SH2D7: variants seen among roughly 807,000 people sequenced by gnomAD.
SH2D7 encodes the protein SH2 domain-containing protein 7.
In SH2D7, 32 loss-of-function variants were observed where a neutral mutation model predicts 40.8. That is an observed-to-expected ratio of 0.78 (90% CI 0.59 to 1.05). The LOEUF (loss-of-function observed/expected upper bound fraction) is 1.05. Among genes scored for constraint, SH2D7 ranks in the 50% least tolerant of loss-of-function variants. The probability of loss-of-function intolerance (pLI) is 0.00; values close to 1 mark genes in which losing one functional copy is unlikely to be tolerated. For missense variants in SH2D7, 559 were observed against 566.6 expected (o/e 0.99, Z 0.14); for synonymous variants, 195 against 221.5 (o/e 0.88, Z 1.06).
chr15:78,101,520 C>A lies in SH2D7; in HGVS notation c.1267C>A (p.Pro423Thr), dbSNP rs761730531. The A allele has an allele frequency of 1.2e-6, 2 of 1,604,670 alleles. No homozygotes were observed. The highest frequency in any genetic ancestry group is 2.2e-5 in the South Asian group (2 of 89,698). Reference sequence around the variant, plus strand: ...GCCTGGGAACACCTATGAACAGATCCCAGCAACCAAGAGCAAGGAGACTGG... The same window carrying A: ...GCCTGGGAACACCTATGAACAGATCACAGCAACCAAGAGCAAGGAGACTGG... ...SEPGNTYEQI[P>T]ATKSKETGRT... Residue 423 changes from proline to threonine, a missense_variant, in exon 5 of 6, where the codon CCA (proline) becomes ACA (threonine). Transcript: ENST00000328828.
chr15:78,092,579 G>A lies in SH2D7; in HGVS notation c.-6G>A. ...GCGCTCTGCTTCCACTCTGGTGCCT[G>A]CCAGCATGGAGGACAGCCTAAAGCA... On this transcript the variant is annotated 5_prime_UTR_variant, in exon 1 of 6. Transcript: ENST00000328828. 2 of 1,544,730 alleles carry A rather than the reference G, an allele frequency of 1.3e-6. No individual in the cohort carries two copies. The highest frequency in any genetic ancestry group is 1.8e-6 in the Non-Finnish European group (2 of 1,142,718).
At position 78,092,712 on chromosome 15, in the gene SH2D7, T is replaced by C. The variant is rs1284000983; in HGVS notation, c.128T>C (p.Leu43Pro). 1 of 1,603,784 alleles carries C rather than the reference T, an allele frequency of 6.2e-7. No individual in the cohort carries two copies. Among genetic ancestry groups the C allele is most frequent in the Non-Finnish European group, 8.5e-7 (1 of 1,175,330 alleles). Residue 43 changes from leucine to proline, a missense_variant, in exon 1 of 6, where the codon CTG becomes CCG. Transcript: ENST00000328828. ...ATGGAGACACAGGCCCCCTTCATTC[T>C]GCAGAACGGTGCCCTGCCTCCCTGG... ...WFMETQAPFI[L>P]QNGALPPWFH...
rs1186787449 is a variant in SH2D7 at position 78,098,476 on chromosome 15, A to G, written c.525A>G (p.Thr175=). The G allele has an allele frequency of 3.7e-6, 6 of 1,613,858 alleles. No individual in the cohort carries two copies. The African/African-American group carries it at 5.3e-5, about 14-fold the overall frequency. Residue 175 remains threonine, a synonymous_variant, in exon 4 of 6, where the codon ACA becomes ACG. Transcript: ENST00000328828. ...ACCCACCTGCCACGGCATTCCTCAC[A>G]GTGGTCCCCGACAAGGCCGCCAGCC... The part of the protein sequence containing the change: ...PENPPATAFL[T]VVPDKAASPR...
chr15:78,102,535 G>C (rs1297259815), intron 5 of SH2D7, among the ~76,000 whole-genome samples: 1 of 152,082 alleles, frequency 6.6e-6, no homozygotes, highest in African/African-American at 2.4e-5. Context: ...GAGGATCTCT[G>C]GGGTGGTGGT....
chr15:78,094,037 A>G (rs1195131572), intron 1 of SH2D7, 75 bp from the exon 2 acceptor site: 1 of 1,438,710 alleles, frequency 7.0e-7, no homozygotes, highest in African/African-American at 1.4e-5. Flanking sequence ...CAGGGATTCC[A>G]AGAGAGGCCT....
intron 4 of SH2D7, among the ~76,000 whole-genome samples, chr15:78,099,993 G>A (rs1009739729): frequency 2.6e-5 from 4 of 152,128 alleles, no homozygotes; most frequent in Admixed American, 6.5e-5. Flanking sequence ...CCCACCTGCC[G>A]TTCTCTCTAT....
In SH2D7 at chr15:78,098,474, A is replaced by G. The variant is rs770769485; in HGVS notation, c.523A>G (p.Thr175Ala). The change falls in exon 4 of 6, where the codon ACA becomes GCA. Residue 175 changes from threonine to alanine, a missense_variant. Coordinates refer to ENST00000328828, the MANE Select transcript of SH2D7 (RefSeq NM_001101404.2). The stretch of plus-strand genomic sequence containing the variant: ...AAACCCACCTGCCACGGCATTCCTC[A>G]CAGTGGTCCCCGACAAGGCCGCCAG... ...PENPPATAFL[T>A]VVPDKAASPR... 2.5e-6 allele frequency: 4 copies of G among 1,613,868 alleles called. No individual in the cohort carries two copies. The highest frequency in any genetic ancestry group is 1.6e-4 in the Middle Eastern group (1 of 6,062).
At chr15:78,103,354 A>G (rs1233826299) in intron 5 of SH2D7, 111 bp from the exon 6 acceptor site, 5 of 1,253,582 alleles carry the variant, frequency 4.0e-6, no homozygotes, top group Non-Finnish European at 5.5e-6. Context: ...ACCTGGCCTC[A>G]TGTCCTAGGC....
At position 78,100,939 on chromosome 15, in the gene SH2D7, C is replaced by T. The variant is rs189869737; in HGVS notation, c.686C>T (p.Ser229Phe). 1.2e-6 allele frequency: 2 copies of T among 1,613,766 alleles called. No homozygotes were observed. The highest frequency in any genetic ancestry group is 1.7e-6 in the Non-Finnish European group (2 of 1,179,892). ...TCTCCACTCCCTGAGAAGAGTTCCTCCCTCCTGGAAGAGTCTTTTGGAGGC... is the reference window on the plus strand; with the variant it reads ...TCTCCACTCCCTGAGAAGAGTTCCTTCCTCCTGGAAGAGTCTTTTGGAGGC... The part of the protein sequence containing the change: ...RVSPLPEKSS[S>F]LLEESFGGPS... The change falls in exon 5 of 6, where the codon TCC (serine) becomes TTC (phenylalanine). Residue 229 changes from serine (S) to phenylalanine (F), a missense_variant. Transcript: ENST00000328828.
chr15:78,094,340 A>G, intron 2 of SH2D7, 139 bp downstream of exon 2: 1 of 728,740 alleles, frequency 1.4e-6, no homozygotes, highest in Non-Finnish European at 2.3e-6. Context: ...CATCCATCAC[A>G]TGCTCAGCAG....
intron 1 of SH2D7, 56 bp from the exon 2 acceptor site, chr15:78,094,056 C>T: frequency 6.6e-7 from 1 of 1,523,366 alleles, no homozygotes; most frequent in Non-Finnish European, 8.9e-7. Flanking sequence ...CTAAGTCAGG[C>T]TGCACCTGCT....
intron 2 of SH2D7, among the ~76,000 whole-genome samples, chr15:78,097,640 G>A (rs955406737): frequency 1.3e-5 from 2 of 152,014 alleles, no homozygotes; most frequent in African/African-American, 4.8e-5. Context: ...CCTAAGATGA[G>A]TGCCTCACTT....
At chr15:78,091,664 T>G (rs1454225502), upstream of SH2D7, among the ~76,000 whole-genome samples, 1 of 152,192 alleles carries the variant, frequency 6.6e-6, no homozygotes, top group Non-Finnish European at 1.5e-5. Flanking sequence ...CCCTAACTGC[T>G]CCAAAGCTTC....
intron 2 of SH2D7, among the ~76,000 whole-genome samples, 199 bp from the exon 3 acceptor site, chr15:78,097,730 C>A (rs896818488): frequency 2.0e-5 from 3 of 152,074 alleles, no homozygotes; most frequent in African/African-American, 7.2e-5. Flanking sequence ...CAGGGCTCCA[C>A]GGTTTGAAAA....
intron 5 of SH2D7, 55 bp downstream of exon 5, chr15:78,101,613 T>C (rs1357507359): frequency 6.7e-7 from 1 of 1,499,264 alleles, no homozygotes; most frequent in African/African-American, 1.4e-5. Context: ...CACCTGGTGG[T>C]AGGAGACAAC....
At chr15:78,094,706 G>A (rs1315612384) in intron 2 of SH2D7, among the ~76,000 whole-genome samples, 4 of 152,184 alleles carry the variant, frequency 2.6e-5, no homozygotes, top group Non-Finnish European at 5.9e-5. Context: ...GGCTAAGTCT[G>A]TAGACCATGA....
At chr15:78,100,792 G>A (rs2074008665) in intron 4 of SH2D7, 107 bp from the exon 5 acceptor site, 2 of 1,241,356 alleles carry the variant, frequency 1.6e-6, no homozygotes, top group Admixed American at 2.4e-5. Context: ...CGGGCAGGAG[G>A]ACTATAGCCA....
upstream of SH2D7, among the ~76,000 whole-genome samples, chr15:78,091,951 C>T (rs879764546): frequency 3.9e-5 from 6 of 152,256 alleles, no homozygotes; most frequent in Non-Finnish European, 5.9e-5. Flanking sequence ...TCTTGTTCTT[C>T]TGCCTTTGTC....
Position 78,103,779 on chromosome 15 carries a change from A to G in SH2D7, c.*264A>G. 4.1e-6 allele frequency: 2 copies of G among 483,286 alleles called. No homozygotes were observed. Among genetic ancestry groups the G allele is most frequent in the South Asian group, 5.4e-5 (2 of 37,110 alleles). The allele number at this position is 483,286 out of a possible 1,614,324, so 29.9% of individuals were successfully genotyped here. ...ACAGGAGGGACTGGAGAGGAATGAG[A>G]TTGGCCAAAGGCAGGGGTCACCACC... On this transcript the variant is annotated 3_prime_UTR_variant, in exon 6 of 6. Coordinates refer to ENST00000328828, the MANE Select transcript of SH2D7 (RefSeq NM_001101404.2).
Sources: gnomAD v4.1 joint callset for allele counts (sites outside exome capture counted in the v4.1 genomes callset) on GRCh38, gnomAD v4.1.1 for gene constraint, MANE v1.5 for transcripts, NCBI Gene and HGNC (gene_info 2026-07-23, HGNC 2026-07-21) for gene names.